HPCAL1: variants seen among roughly 807,000 people sequenced by gnomAD.
HPCAL1 encodes hippocalcin-like protein 1.
HPCAL1 carries 8 observed loss-of-function variants against 17.1 expected under a neutral mutation model. The ratio of observed to expected loss-of-function variants is 0.47; its 90% CI spans 0.27 to 0.84. The LOEUF (loss-of-function observed/expected upper bound fraction) is 0.84. HPCAL1 is among the 40% of genes least tolerant of loss of function. The pLI, the probability that HPCAL1 is intolerant of heterozygous loss-of-function variation, is 0.13. For synonymous variants in HPCAL1, 112 were observed against 111.4 expected, an observed-to-expected ratio of 1.01 and a Z score of -0.03; for missense variants, 165 against 271.1, an observed-to-expected ratio of 0.61 and a Z score of 2.75.
intron 1 of HPCAL1, chr2:10,368,798 C>G (rs369616051): frequency 1.3e-5 from 2 of 152,190 alleles, no homozygotes; most frequent in Non-Finnish European, 2.9e-5. Context: ...TTCTCCGCAG[C>G]CTGCTCCGGC....
At chr2:10,360,087 A>G (rs1666427893) in intron 1 of HPCAL1, among the ~76,000 whole-genome samples, 1 of 152,100 alleles carries the variant, frequency 6.6e-6, no homozygotes, top group Admixed American at 6.5e-5. Flanking sequence ...GCTTTGCTGG[A>G]GGAAGTGCAG....
chr2:10,399,050 G>A (rs1385159300), intron 2 of HPCAL1, among the ~76,000 whole-genome samples: 3 of 151,838 alleles, frequency 2.0e-5, no homozygotes, highest in Admixed American at 6.6e-5. Context: ...CACAGGGGAG[G>A]CGCCTGGCCC....
chr2:10,372,630 A>G (rs1178674658), intron 1 of HPCAL1, among the ~76,000 whole-genome samples: 1 of 152,198 alleles, frequency 6.6e-6, no homozygotes, highest in Non-Finnish European at 1.5e-5. Context: ...TTCCCGAAAC[A>G]GCTGAGATCA....
intron 2 of HPCAL1, among the ~76,000 whole-genome samples, chr2:10,413,681 G>T (rs552725229): frequency 6.6e-6 from 1 of 152,336 alleles, no homozygotes; most frequent in South Asian, 2.1e-4. Context: ...CCCCTAATCT[G>T]GTACCTCCCT....
At chr2:10,350,102 A>C (rs1665749249) in intron 1 of HPCAL1, among the ~76,000 whole-genome samples, 1 of 152,190 alleles carries the variant, frequency 6.6e-6, no homozygotes, top group Non-Finnish European at 1.5e-5. Flanking sequence ...TTTGCATAAA[A>C]TTTAATTAAC....
At chr2:10,329,349 G>A (rs184389082) in intron 1 of HPCAL1, among the ~76,000 whole-genome samples, 1 of 152,326 alleles carries the variant, frequency 6.6e-6, no homozygotes, top group African/African-American at 2.4e-5. Context: ...GGATTACCAG[G>A]GTGTAGTCAC....
Position 10,330,893 on chromosome 2 carries a change from G to A in HPCAL1, c.-111+27716G>A, listed in dbSNP as rs1006867742. Among the ~76,000 whole-genome samples the A allele has an allele frequency of 5.3e-5, 8 of 152,176 alleles. No homozygotes were observed. The highest frequency in any genetic ancestry group is 1.9e-4 in the African/African-American group (8 of 41,458). On this transcript the variant is annotated intron_variant, in intron 1 of 4. Coordinates refer to ENST00000307845, the MANE Select transcript of HPCAL1 (RefSeq NM_002149.4). The surrounding 1 kb of genome is among the most constrained non-coding windows in gnomAD (Gnocchi z 4.2). ...CAGGTTCCCAGGCCCACACCGTGCT[G>A]GTTGAGTCAGAGCTTCTGGGTGCAG...
intron 1 of HPCAL1, among the ~76,000 whole-genome samples, chr2:10,386,533 G>A (rs1302916657): frequency 6.6e-6 from 1 of 152,164 alleles, no homozygotes; most frequent in African/African-American, 2.4e-5. Context: ...GTGGCCCAGG[G>A]CCCTGGGAGG....
At chr2:10,336,681 C>T (rs1455830498) in intron 1 of HPCAL1, among the ~76,000 whole-genome samples, 2 of 152,276 alleles carry the variant, frequency 1.3e-5, no homozygotes, top group East Asian at 1.9e-4. Flanking sequence ...CAGAGCAGCC[C>T]CATCTGAGAC....
At chr2:10,341,284 A>G (rs1665060897) in intron 1 of HPCAL1, among the ~76,000 whole-genome samples, 1 of 151,568 alleles carries the variant, frequency 6.6e-6, no homozygotes, top group South Asian at 2.1e-4. Context: ...ACACGGTGAA[A>G]CCCCATCTCT....
rs1668163270 is a variant in HPCAL1, at chr2:10,384,244, A to G, written c.-110-12591A>G. Among the ~76,000 whole-genome samples, 1 of 152,156 alleles carries G rather than the reference A, an allele frequency of 6.6e-6. No homozygotes were observed. Among genetic ancestry groups the G allele is most frequent in the Non-Finnish European group, 1.5e-5 (1 of 68,024 alleles). ...TCATTTCTTTCTTCAGTCACATCAG[A>G]TGAGCTGCTTCCCCTCACTAGGAGT... On this transcript the variant is annotated intron_variant, in intron 1 of 4. Transcript: ENST00000307845. This position sits in a 1 kb window ranked among gnomAD's most constrained non-coding sequence, Gnocchi z 4.4.
intron 1 of HPCAL1, among the ~76,000 whole-genome samples, chr2:10,319,252 G>T (rs1444540205): frequency 6.6e-6 from 1 of 152,144 alleles, no homozygotes; most frequent in Non-Finnish European, 1.5e-5. Flanking sequence ...GAGTCAACCT[G>T]TATTTTTCAT....
intron 1 of HPCAL1, among the ~76,000 whole-genome samples, chr2:10,371,203 G>T (rs1667183058): frequency 6.6e-6 from 1 of 152,182 alleles, no homozygotes; most frequent in African/African-American, 2.4e-5. Flanking sequence ...GTTTGGGTTA[G>T]TGGGTCTGGC....
intron 2 of HPCAL1, among the ~76,000 whole-genome samples, chr2:10,399,944 C>T (rs1669490307): frequency 6.6e-6 from 1 of 152,204 alleles, no homozygotes; most frequent in African/African-American, 2.4e-5. Context: ...TAAACCTGGC[C>T]CCAAGGACCT....
chr2:10,372,343 C>T (rs1274509042), intron 1 of HPCAL1, among the ~76,000 whole-genome samples: 1 of 152,212 alleles, frequency 6.6e-6, no homozygotes, highest in Non-Finnish European at 1.5e-5. Context: ...GCACCCACTC[C>T]ATGCCTTCTG....
At chr2:10,311,621 G>A (rs759595435) in intron 1 of HPCAL1, among the ~76,000 whole-genome samples, 3 of 152,128 alleles carry the variant, frequency 2.0e-5, no homozygotes, top group Non-Finnish European at 4.4e-5. Flanking sequence ...GGAGTGGGGG[G>A]AGAAGATGTA....
intron 1 of HPCAL1, among the ~76,000 whole-genome samples, chr2:10,390,663 G>A (rs1668630350): frequency 6.6e-6 from 1 of 152,154 alleles, no homozygotes; most frequent in African/African-American, 2.4e-5. Context: ...CAGTGAGCAT[G>A]TGAAGCCTGC....
At position 10,395,784 on chromosome 2, in the gene HPCAL1, C is replaced by T. The variant is rs1668984700; in HGVS notation, c.-110-1051C>T. ...CAGGTAATTAGCTCCTGTAAGCCTC[C>T]ATTTTTCCCCGTCTGTCAAATGGGG... On this transcript the variant is annotated intron_variant, in intron 1 of 4. Coordinates refer to ENST00000307845, the MANE Select transcript of HPCAL1 (RefSeq NM_002149.4). This position sits in a 1 kb window ranked among gnomAD's most constrained non-coding sequence, Gnocchi z 4.4. 6.6e-6 allele frequency among the ~76,000 whole-genome samples: 1 copy of T among 152,176 alleles called. No homozygotes were observed. Among genetic ancestry groups the T allele is most frequent in the Admixed American group, 6.5e-5 (1 of 15,284 alleles).
At chr2:10,406,732 C>T (rs930383519) in intron 2 of HPCAL1, among the ~76,000 whole-genome samples, 11 of 152,266 alleles carry the variant, frequency 7.2e-5, no homozygotes, top group African/African-American at 2.2e-4. Flanking sequence ...ATCCGGCACC[C>T]TTCACCTCTG....
Sources: allele counts gnomAD v4.1 joint callset (sites outside exome capture counted in the v4.1 genomes callset), GRCh38; gene constraint gnomAD v4.1.1; non-coding constraint Gnocchi (gnomAD v3.1); transcripts MANE v1.5; gene names NCBI Gene and HGNC (gene_info 2026-07-23, HGNC 2026-07-21).